The following MYRIP variants were observed in gnomAD, a reference collection of about 807,000 sequenced individuals.
MYRIP encodes myosin VIIA and Rab interacting protein.
In MYRIP, 49 loss-of-function variants were observed where a neutral mutation model predicts 98.0. That is an observed-to-expected ratio of 0.50 (90% CI 0.40 to 0.63). The LOEUF (loss-of-function observed/expected upper bound fraction) is 0.63. MYRIP is among the 30% of genes least tolerant of loss of function. MYRIP has a pLI of 0.00. For missense variants in MYRIP, 1,004 were observed against 1,058.2 expected (o/e 0.95, Z 0.71); for synonymous variants, 404 against 409.5 (o/e 0.99, Z 0.16).
chr3:39,864,447 A>G (rs34792550), intron 1 of MYRIP, among the ~76,000 whole-genome samples: 22,108 of 152,112 alleles, frequency 0.15, 1,689 homozygotes, highest in Middle Eastern at 0.18. Flanking sequence ...ACTTTACAAT[A>G]AAGTTTCAGG....
intron 13 of MYRIP, among the ~76,000 whole-genome samples, chr3:40,248,011 A>C (rs1953258938): frequency 6.6e-6 from 1 of 152,246 alleles, no homozygotes; most frequent in Non-Finnish European, 1.5e-5. Context: ...CACCAGGCTA[A>C]CTGGTGCCAG....
chr3:39,966,615 T>C (rs1945448765), intron 2 of MYRIP, among the ~76,000 whole-genome samples: 1 of 152,208 alleles, frequency 6.6e-6, no homozygotes, highest in Admixed American at 6.5e-5. Context: ...GTAGCCATTA[T>C]TATCCTCAGT....
At position 39,867,208 on chromosome 3, in the gene MYRIP, T is replaced by C. The variant is rs116215043; in HGVS notation, c.-30-33579T>C. ...TGGATTAAAGGTTTAAATGTAAGAC[T>C]TGAAACCATAAAACTCCCAGGAGAA... On this transcript the variant is annotated intron_variant, in intron 1 of 16. Transcript: ENST00000302541. Among the ~76,000 whole-genome samples, 1,509 of 152,282 alleles carry C rather than the reference T, an allele frequency of 9.9e-3. 27 individuals carry two copies. Among genetic ancestry groups the C allele is most frequent in the African/African-American group, 0.035 (1,447 of 41,552 alleles).
chr3:40,204,165 A>T (rs1240730047), intron 10 of MYRIP, among the ~76,000 whole-genome samples: 2 of 2,752 alleles, frequency 7.3e-4, no homozygotes, highest in East Asian at 0.028. Flanking sequence ...TATATAATAT[A>T]ATATTTATAT....
At chr3:40,232,516 G>A (rs1223713351) in intron 11 of MYRIP, among the ~76,000 whole-genome samples, 1 of 152,108 alleles carries the variant, frequency 6.6e-6, no homozygotes, top group Non-Finnish European at 1.5e-5. Context: ...AGATTATATG[G>A]GTCAGATAGG....
intron 13 of MYRIP, among the ~76,000 whole-genome samples, chr3:40,245,114 T>C (rs1267857469): frequency 6.6e-6 from 1 of 152,096 alleles, no homozygotes; most frequent in Non-Finnish European, 1.5e-5. Flanking sequence ...ATGAAGGAAA[T>C]TGGAAGCATA....
intron 2 of MYRIP, among the ~76,000 whole-genome samples, chr3:40,041,014 T>C (rs1317178520): frequency 4.4e-5 from 2 of 45,232 alleles, no homozygotes; most frequent in Non-Finnish European, 9.3e-5. Flanking sequence ...AAGAAAATAT[T>C]ACCAGCAGAA....
intron 2 of MYRIP, among the ~76,000 whole-genome samples, chr3:40,000,191 ATTG>A (rs1466489756): frequency 2.6e-5 from 4 of 152,250 alleles, no homozygotes; most frequent in East Asian, 1.9e-4. Context: ...ACAATAAATT[ATTG>A]TTAACTTTAA....
intron 2 of MYRIP, among the ~76,000 whole-genome samples, chr3:39,987,777 AGTTT>A (rs755577438): frequency 2.6e-5 from 4 of 152,170 alleles, no homozygotes; most frequent in Non-Finnish European, 5.9e-5. Flanking sequence ...TATGAAGCTT[AGTTT>A]TTCTGGATAT....
At chr3:39,925,840 T>A (rs1009403231) in intron 2 of MYRIP, among the ~76,000 whole-genome samples, 3 of 152,124 alleles carry the variant, frequency 2.0e-5, no homozygotes, top group African/African-American at 7.2e-5. Context: ...CCTTAGGGTA[T>A]ATACCCAGTA....
chr3:39,871,623 G>C (rs1942792798), intron 1 of MYRIP, among the ~76,000 whole-genome samples: 1 of 152,060 alleles, frequency 6.6e-6, no homozygotes, highest in South Asian at 2.1e-4. Flanking sequence ...AAGGGTTCTT[G>C]AGAGACTTTA....
At chr3:40,149,755 C>G (rs1315419537) in intron 3 of MYRIP, among the ~76,000 whole-genome samples, 1 of 152,188 alleles carries the variant, frequency 6.6e-6, no homozygotes, top group African/African-American at 2.4e-5. Context: ...TTCTGAAGTA[C>G]ATGGTTCTTT....
intron 11 of MYRIP, among the ~76,000 whole-genome samples, chr3:40,223,754 G>A (rs1324815390): frequency 1.3e-5 from 2 of 152,220 alleles, no homozygotes; most frequent in African/African-American, 4.8e-5. Flanking sequence ...GCTGTTCAAG[G>A]AGGTGCAATG....
intron 2 of MYRIP, among the ~76,000 whole-genome samples, chr3:39,939,013 C>T (rs1230715427): frequency 6.6e-6 from 1 of 152,116 alleles, no homozygotes; most frequent in Non-Finnish European, 1.5e-5. Flanking sequence ...TGACCCACAC[C>T]GTCCAGCCCT....
At chr3:40,125,073 T>C (rs993415690) in intron 3 of MYRIP, among the ~76,000 whole-genome samples, 4 of 152,164 alleles carry the variant, frequency 2.6e-5, no homozygotes, top group Non-Finnish European at 4.4e-5. Flanking sequence ...ATAGGTTGAT[T>C]GTATAAGGAT....
intron 1 of MYRIP, among the ~76,000 whole-genome samples, chr3:39,827,710 G>A (rs1941311479): frequency 6.6e-6 from 1 of 152,072 alleles, no homozygotes; most frequent in African/African-American, 2.4e-5. Flanking sequence ...CACACTTGGT[G>A]AATTTCACAT....
At chr3:40,245,065 T>G (rs1190901188) in intron 13 of MYRIP, among the ~76,000 whole-genome samples, 2 of 152,180 alleles carry the variant, frequency 1.3e-5, no homozygotes, top group Non-Finnish European at 2.9e-5. Flanking sequence ...GCACAATACC[T>G]GGCACAGATT....
intron 2 of MYRIP, among the ~76,000 whole-genome samples, chr3:39,978,613 G>A (rs148291969): frequency 5.9e-5 from 9 of 152,186 alleles, no homozygotes; most frequent in African/African-American, 9.7e-5. Context: ...AGTCTTCCCC[G>A]AAATTTGGCA....
chr3:40,151,123 G>A lies in MYRIP; in HGVS notation c.408G>A (p.Lys136=), dbSNP rs1057151775. 2 of 1,611,302 alleles carry A rather than the reference G, an allele frequency of 1.2e-6. No homozygotes were observed. Among genetic ancestry groups the A allele is most frequent in the African/African-American group, 2.7e-5 (2 of 74,878 alleles). Residue 136 remains lysine, a synonymous_variant, in exon 4 of 17, where the codon AAG becomes AAA. Transcript: ENST00000302541. ...GCTTCAAGCGCTTTGGCAGTGCCAA[G>A]GTTCTGAAGAACCTGTACAGGAAGC... The part of the protein sequence containing the change: ...KSRFKRFGSA[K]VLKNLYRKHR...
Sources: gnomAD v4.1 joint callset for allele counts (sites outside exome capture counted in the v4.1 genomes callset) on GRCh38, gnomAD v4.1.1 for gene constraint, MANE v1.5 for transcripts, NCBI Gene and HGNC (gene_info 2026-07-23, HGNC 2026-07-21) for gene names.